Variants in SLC13A3 observed in about 807,000 individuals in gnomAD.
The protein encoded by SLC13A3 is solute carrier family 13 member 3.
Under a neutral mutation model 59.0 loss-of-function variants are expected in SLC13A3, and 40 were observed. That is an observed-to-expected ratio of 0.68 (90% confidence interval 0.53 to 0.88). The LOEUF (loss-of-function observed/expected upper bound fraction) is 0.88, where lower values mean the gene tolerates loss of function less well. Among genes scored for constraint, SLC13A3 ranks in the 40% least tolerant of loss-of-function variants. SLC13A3 has a pLI of 0.00. For synonymous variants in SLC13A3, 317 were observed against 330.3 expected, an observed-to-expected ratio of 0.96 and a Z score of 0.44; for missense variants, 699 against 783.2, an observed-to-expected ratio of 0.89 and a Z score of 1.28.
intron 1 of SLC13A3, among the ~76,000 whole-genome samples, chr20:46,622,625 T>C (rs777000539): frequency 0.095 from 1,984 of 20,850 alleles, 23 homozygotes; most frequent in Middle Eastern, 0.32. Flanking sequence ...TGTGTGCGTG[T>C]GTGTGTGTGT....
chr20:46,572,430 C>G (rs1398110712), intron 10 of SLC13A3, among the ~76,000 whole-genome samples: 1 of 152,088 alleles, frequency 6.6e-6, no homozygotes, highest in African/African-American at 2.4e-5. Flanking sequence ...GCCAGGGTGG[C>G]CTCTCAGCAT....
At chr20:46,589,024 A>G (rs976783194) in intron 7 of SLC13A3, 136 bp downstream of exon 7, 22 of 735,174 alleles carry the variant, frequency 3.0e-5, no homozygotes, top group Non-Finnish European at 2.3e-6. Flanking sequence ...CCCATCCTCC[A>G]TCTCTAGGCT....
chr20:46,618,442 C>T (rs1192638877), intron 1 of SLC13A3, among the ~76,000 whole-genome samples: 2 of 152,226 alleles, frequency 1.3e-5, no homozygotes, highest in African/African-American at 4.8e-5. Context: ...GCTATGGTCT[C>T]AGTGTTTCTG....
intron 1 of SLC13A3, among the ~76,000 whole-genome samples, chr20:46,649,033 C>A (rs1395978823): frequency 1.3e-5 from 2 of 152,100 alleles, no homozygotes; most frequent in Non-Finnish European, 2.9e-5. Flanking sequence ...AGTCACCTAA[C>A]CCCGCTGAGT....
At position 46,582,609 on chromosome 20, in the gene SLC13A3, A is replaced by G. The variant is rs906950869; in HGVS notation, c.1219+963T>C. The G allele has an allele frequency of 1.0e-5, 10 of 981,368 alleles. No individual in the cohort carries two copies. In the African/African-American group the frequency reaches 1.8e-4, roughly 17 times the overall value. The allele number at this position is 981,368 out of a possible 1,614,324, so 60.8% of individuals were successfully genotyped here. A position where few individuals can be genotyped will look rare whatever the true frequency, so the allele number is the denominator to read the frequency against. ...CAGAGTGAGACCCCATTAAAAAAAAAAGAAGAAGAAGAAAGAAAGAACTGT... is the reference window on the plus strand; with the variant it reads ...CAGAGTGAGACCCCATTAAAAAAAAGAGAAGAAGAAGAAAGAAAGAACTGT... On this transcript the variant is annotated intron_variant, in intron 9 of 12. Coordinates refer to ENST00000279027, the MANE Select transcript of SLC13A3 (RefSeq NM_022829.6).
At chr20:46,628,395 C>A (rs1246301004) in intron 1 of SLC13A3, among the ~76,000 whole-genome samples, 1 of 152,164 alleles carries the variant, frequency 6.6e-6, no homozygotes, top group African/African-American at 2.4e-5. Flanking sequence ...GCTTAGCTCC[C>A]AGCCTACTCC....
rs760706143 is a variant in SLC13A3 at position 46,613,691 on chromosome 20, G to A, written c.146C>T (p.Ala49Val). ...GRCLFVILLM[A>V]VYWCTEALPL... ...CAGGGCCTCCGTGCACCAGTACACC[G>A]CCATGAGCAGGATGACAAACAAGCA... is the stretch of plus-strand genomic sequence containing the variant. The change falls in exon 2 of 13, where the codon GCG (alanine) becomes GTG (valine). Residue 49 changes from alanine (A) to valine (V), a missense_variant. Coordinates refer to ENST00000279027, the MANE Select transcript of SLC13A3 (RefSeq NM_022829.6). The A allele has an allele frequency of 1.6e-5, 25 of 1,607,610 alleles. No individual in the cohort carries two copies. The highest frequency in any genetic ancestry group is 1.6e-4 in the Middle Eastern group (1 of 6,062).
chr20:46,677,241 A>G (rs972300014), intron 1 of SLC13A3, among the ~76,000 whole-genome samples: 7 of 152,176 alleles, frequency 4.6e-5, no homozygotes, highest in African/African-American at 1.7e-4. Context: ...TACAACATAA[A>G]TACTGAAAAG....
intron 8 of SLC13A3, among the ~76,000 whole-genome samples, chr20:46,587,409 T>A (rs1421237260): frequency 6.6e-6 from 1 of 152,138 alleles, no homozygotes; most frequent in Non-Finnish European, 1.5e-5. Flanking sequence ...GACACTCTGA[T>A]CTGGCCCTCC....
At chr20:46,589,035 C>T (rs2062224796) in intron 7 of SLC13A3, 125 bp downstream of exon 7, 1 of 792,056 alleles carries the variant, frequency 1.3e-6, no homozygotes, top group Admixed American at 2.4e-5. Flanking sequence ...TCTCTAGGCT[C>T]CCACGCCACG....
At position 46,563,466 on chromosome 20, in the gene SLC13A3, G is replaced by A. The variant is rs1324143927; in HGVS notation, c.1580C>T (p.Thr527Met). 3.1e-6 allele frequency: 5 copies of A among 1,614,150 alleles called. No individual in the cohort carries two copies. The highest frequency in any genetic ancestry group is 2.2e-5 in the East Asian group (1 of 44,848). The stretch of plus-strand genomic sequence containing the variant: ...GGCGAAGGCGATGGAGTTGGGGGGC[G>A]TTGAGACCGGGAGCATGAAGGCAAA... ...CSFAFMLPVS[T>M]PPNSIAFASG... Residue 527 changes from threonine to methionine, a missense_variant, in exon 12 of 13, where the codon ACG becomes ATG. By Grantham distance (81) the Thr-to-Met change is moderately conservative (BLOSUM62 -1). Coordinates refer to ENST00000279027, the MANE Select transcript of SLC13A3 (RefSeq NM_022829.6).
intron 8 of SLC13A3, among the ~76,000 whole-genome samples, chr20:46,586,067 T>C (rs979723016): frequency 6.6e-6 from 1 of 152,230 alleles, no homozygotes; most frequent in Non-Finnish European, 1.5e-5. Flanking sequence ...ATGCAAAATA[T>C]CTCACTAATA....
At chr20:46,671,784 G>A (rs1031741264), upstream of SLC13A3, among the ~76,000 whole-genome samples, 2 of 152,114 alleles carry the variant, frequency 1.3e-5, no homozygotes, top group African/African-American at 4.8e-5. Flanking sequence ...TACTTGTACC[G>A]GCATCTGACT....
intron 1 of SLC13A3, among the ~76,000 whole-genome samples, chr20:46,640,169 T>C (rs1394979943): frequency 6.6e-6 from 1 of 152,170 alleles, no homozygotes. Context: ...GAATAAGGCA[T>C]GTGATGTGGC....
chr20:46,606,872 C>T (rs945267245), intron 3 of SLC13A3, among the ~76,000 whole-genome samples: 1 of 152,188 alleles, frequency 6.6e-6, no homozygotes. Context: ...GGGACATTGG[C>T]GAAGCCATCA....
intron 1 of SLC13A3, among the ~76,000 whole-genome samples, chr20:46,665,039 A>AC (rs2063054179): frequency 6.7e-6 from 1 of 150,084 alleles, no homozygotes; most frequent in African/African-American, 2.4e-5. Flanking sequence ...TTCTGCTTTC[A>AC]TTTTTTTTTT....
Position 46,575,586 on chromosome 20 carries a change from G to C in SLC13A3, c.1319C>G (p.Ala440Gly). 1 of 1,599,788 alleles carries C rather than the reference G, an allele frequency of 6.3e-7. No homozygotes were observed. The highest frequency in any genetic ancestry group is 8.5e-7 in the Non-Finnish European group (1 of 1,172,022). ...ILLLGGGFAMAKGCEESGLSV... is the reference protein window; with the variant it reads ...ILLLGGGFAMGKGCEESGLSV... ...AGGGGGTCTTACCTCACAGCCTTTG[G>C]CCATGGCGAAGCCCCCTCCCAGGAG... Residue 440 changes from alanine (A) to glycine (G), a missense_variant, in exon 10 of 13, where the codon GCC becomes GGC. Transcript: ENST00000279027.
chr20:46,593,871 A>G (rs1397704768), intron 5 of SLC13A3, among the ~76,000 whole-genome samples: 3 of 152,230 alleles, frequency 2.0e-5, no homozygotes, highest in African/African-American at 7.2e-5. Context: ...GTCTAGAAGA[A>G]AGTCTGTTAA....
At chr20:46,568,074 T>A (rs453987) in intron 10 of SLC13A3, among the ~76,000 whole-genome samples, 35,703 of 151,924 alleles carry the variant, frequency 0.24, 4,467 homozygotes, top group East Asian at 0.34. Context: ...TACTCAGAAC[T>A]TAAAAATTTC....
Sources: gnomAD v4.1 joint callset for allele counts (sites outside exome capture counted in the v4.1 genomes callset) on GRCh38, gnomAD v4.1.1 for gene constraint, MANE v1.5 for transcripts, NCBI Gene and HGNC (gene_info 2026-07-23, HGNC 2026-07-21) for gene names.